Variants in LARGE1 observed in about 807,000 individuals in gnomAD.
LARGE1 encodes LARGE xylosyl- and glucuronyltransferase 1.
LARGE1 carries 43 observed loss-of-function variants against 87.6 expected under a neutral mutation model. The ratio of observed to expected loss-of-function variants is 0.49; its 90% CI spans 0.38 to 0.63. The LOEUF (loss-of-function observed/expected upper bound fraction) is 0.63. Ranked by LOEUF, LARGE1 falls within the 30% of genes least tolerant of loss-of-function variation. The pLI is 0.00. For missense variants in LARGE1, 802 were observed against 1,000.2 expected (o/e 0.80, Z 2.67); for synonymous variants, 434 against 394.6 (o/e 1.10, Z -1.18).
chr22:33,683,554 C>T (rs545923244), intron 2 of LARGE1, among the ~76,000 whole-genome samples: 176 of 151,710 alleles, frequency 1.2e-3, no homozygotes, highest in Non-Finnish European at 2.2e-3. Flanking sequence ...GATGGACAGA[C>T]GGAAGGACGG....
intron 2 of LARGE1, among the ~76,000 whole-genome samples, chr22:33,758,004 C>T (rs943471341): frequency 6.6e-6 from 1 of 152,102 alleles, no homozygotes; most frequent in Non-Finnish European, 1.5e-5. Flanking sequence ...CGCTCAGCTC[C>T]CTCCCACGAT....
At chr22:33,232,918 G>C (rs867191019) in intron 11 of LARGE1, among the ~76,000 whole-genome samples, 1 of 152,194 alleles carries the variant, frequency 6.6e-6, no homozygotes, top group South Asian at 2.1e-4. Context: ...CCATGTTTCT[G>C]GGGGCAGGGA....
At chr22:33,106,927 T>G in the LARGE1 span, among the ~76,000 whole-genome samples, 1 of 152,246 alleles carries the variant, frequency 6.6e-6, no homozygotes, top group South Asian at 2.1e-4. Context: ...ATTTACCTTC[T>G]TCAGATGATC....
chr22:33,362,314 C>T (rs1569094501), intron 9 of LARGE1, among the ~76,000 whole-genome samples: 1 of 149,610 alleles, frequency 6.7e-6, no homozygotes, highest in Middle Eastern at 3.5e-3. Flanking sequence ...ATAATGGCCT[C>T]AATTTTCTCA....
intron 6 of LARGE1, among the ~76,000 whole-genome samples, chr22:33,508,883 T>G (rs1460073396): frequency 6.6e-6 from 1 of 152,174 alleles, no homozygotes; most frequent in African/African-American, 2.4e-5. Flanking sequence ...ATGGTGGGGA[T>G]GTCTTTGAAC....
At chr22:33,812,427 T>C (rs149808653) in intron 1 of LARGE1, among the ~76,000 whole-genome samples, 4 of 152,364 alleles carry the variant, frequency 2.6e-5, no homozygotes, top group African/African-American at 9.6e-5. Context: ...CATGCACAAG[T>C]GATGACTCTC....
At chr22:33,553,511 G>A (rs1043202425) in intron 6 of LARGE1, among the ~76,000 whole-genome samples, 1 of 152,062 alleles carries the variant, frequency 6.6e-6, no homozygotes, top group Non-Finnish European at 1.5e-5. Flanking sequence ...ACAAGACCCT[G>A]TCACAAAAAC....
chr22:33,670,375 C>T (rs2081374174), intron 2 of LARGE1, among the ~76,000 whole-genome samples: 1 of 151,758 alleles, frequency 6.6e-6, no homozygotes, highest in Non-Finnish European at 1.5e-5. Flanking sequence ...ACTTCGAGGA[C>T]TCATCACGTA....
intron 2 of LARGE1, among the ~76,000 whole-genome samples, chr22:33,662,734 C>CAA (rs1007618067): frequency 6.2e-5 from 9 of 145,476 alleles, no homozygotes; most frequent in African/African-American, 2.3e-4. Context: ...TAACCCATTC[C>CAA]AAAAAAAAAA....
intron 11 of LARGE1, among the ~76,000 whole-genome samples, chr22:33,209,380 T>G (rs995226378): frequency 6.6e-6 from 1 of 152,206 alleles, no homozygotes; most frequent in Non-Finnish European, 1.5e-5. Flanking sequence ...GATAGTATAT[T>G]ATGAGACTCA....
chr22:33,186,275 T>C (rs893013173), intron 11 of LARGE1, among the ~76,000 whole-genome samples: 2 of 152,120 alleles, frequency 1.3e-5, no homozygotes, highest in Non-Finnish European at 2.9e-5. Context: ...AATCACCAAA[T>C]GTTAGCAAAT....
chr22:33,780,946 A>C (rs1225503824), intron 1 of LARGE1, among the ~76,000 whole-genome samples: 3 of 152,240 alleles, frequency 2.0e-5, no homozygotes, highest in African/African-American at 7.2e-5. Flanking sequence ...CTAGGTCATT[A>C]GTTGTGGGGC....
At chr22:33,195,354 C>T (rs546529367) in intron 11 of LARGE1, among the ~76,000 whole-genome samples, 3 of 152,208 alleles carry the variant, frequency 2.0e-5, no homozygotes, top group African/African-American at 7.2e-5. Flanking sequence ...CTGTAGAAAA[C>T]TCGACCCAAT....
At chr22:33,363,731 C>T (rs763386253) in intron 9 of LARGE1, among the ~76,000 whole-genome samples, 1 of 150,020 alleles carries the variant, frequency 6.7e-6, no homozygotes, top group Non-Finnish European at 1.5e-5. Context: ...AATTATAATA[C>T]GTCAGCACCA....
chr22:33,119,070 G>A, the LARGE1 span, among the ~76,000 whole-genome samples: 1 of 152,210 alleles, frequency 6.6e-6, no homozygotes, highest in South Asian at 2.1e-4. Flanking sequence ...AGGGCTATGG[G>A]TAGGAGAGGA....
chr22:33,083,988 C>T, the LARGE1 span, among the ~76,000 whole-genome samples: 1 of 152,212 alleles, frequency 6.6e-6, no homozygotes, highest in East Asian at 1.9e-4. Context: ...AGCCTGATCT[C>T]CAGCCATATC....
intron 1 of LARGE1, among the ~76,000 whole-genome samples, chr22:33,883,975 A>G (rs1269407261): frequency 6.6e-6 from 1 of 152,210 alleles, no homozygotes; most frequent in Non-Finnish European, 1.5e-5. Flanking sequence ...CACAAACTCT[A>G]TGAAGGCAGG....
At chr22:33,093,666 TG>T in the LARGE1 span, among the ~76,000 whole-genome samples, 1 of 152,066 alleles carries the variant, frequency 6.6e-6, no homozygotes, top group Non-Finnish European at 1.5e-5. Flanking sequence ...AGGGATGAGA[TG>T]GAAGGGAATT....
chr22:33,130,313 C>CAAAAAAAAAAAAAAAAAAAAAAAAAA, the LARGE1 span, among the ~76,000 whole-genome samples: 7 of 57,002 alleles, frequency 1.2e-4, no homozygotes, highest in African/African-American at 4.3e-4. Context: ...GATTCCGTCT[C>CAAAAAAAAAAAAAAAAAAAAAAAAAA]AAAAAAAAAA....
Sources: gnomAD v4.1 joint callset for allele counts (sites outside exome capture counted in the v4.1 genomes callset) on GRCh38, gnomAD v4.1.1 for gene constraint, MANE v1.5 for transcripts, NCBI Gene and HGNC (gene_info 2026-07-23, HGNC 2026-07-21) for gene names.